The following MYL12B variants were observed in gnomAD, a reference collection of about 807,000 sequenced individuals.
The protein encoded by MYL12B is myosin light chain 12B.
MYL12B carries 3 observed loss-of-function variants against 12.9 expected under a neutral mutation model. That is an observed-to-expected ratio of 0.23 (90% CI 0.11 to 0.60). The LOEUF is 0.60. Among genes scored for constraint, MYL12B ranks in the 20% least tolerant of loss-of-function variants. The probability of loss-of-function intolerance (pLI) is 0.89; values close to 1 mark genes in which losing one functional copy is unlikely to be tolerated. For synonymous variants in MYL12B, 57 were observed against 71.9 expected, an observed-to-expected ratio of 0.79 and a Z score of 1.05; for missense variants, 120 against 215.4, an observed-to-expected ratio of 0.56 and a Z score of 2.77.
chr18:3,262,269 C>T (rs991296890), intron 1 of MYL12B, 32 bp downstream of exon 1: 1 of 148,924 alleles, frequency 6.7e-6, no homozygotes, highest in East Asian at 2.0e-4. Context: ...TCGCGAGACC[C>T]CTCGGGCCGC....
In MYL12B at chr18:3,277,235, A is replaced by G. The variant is rs565997600; in HGVS notation, c.185-18A>G. 1.6e-5 allele frequency: 25 copies of G among 1,540,672 alleles called. No individual in the cohort carries two copies. In the South Asian group the frequency reaches 2.8e-4, roughly 17 times the overall value. ...TAAATGTTTTTGTCTTTAAATGTTA[A>G]AATGTGTATTCTTACAGGGAAGAAT... On this transcript the variant is annotated intron_variant, in intron 2 of 3. Transcript: ENST00000237500.
intron 2 of MYL12B, among the ~76,000 whole-genome samples, chr18:3,275,784 A>G (rs2081725369): frequency 6.6e-6 from 1 of 152,142 alleles, no homozygotes; most frequent in African/African-American, 2.4e-5. Context: ...TTCCCCCCAA[A>G]AAATGCTGCA....
chr18:3,275,583 C>A (rs966996674), intron 2 of MYL12B, among the ~76,000 whole-genome samples: 3 of 152,120 alleles, frequency 2.0e-5, no homozygotes, highest in Non-Finnish European at 4.4e-5. Flanking sequence ...AATATATACA[C>A]CTCTTGTGTA....
intron 2 of MYL12B, among the ~76,000 whole-genome samples, chr18:3,275,943 G>C (rs747975394): frequency 3.9e-5 from 6 of 152,112 alleles, no homozygotes; most frequent in Non-Finnish European, 7.4e-5. Context: ...CAGTGAAATA[G>C]ATGCCAACAT....
intron 1 of MYL12B, among the ~76,000 whole-genome samples, chr18:3,264,535 C>G (rs547153845): frequency 6.6e-6 from 1 of 152,278 alleles, no homozygotes; most frequent in African/African-American, 2.4e-5. Context: ...GAGACCCTGT[C>G]TCTACCCTGC....
Position 3,272,867 on chromosome 18 carries a change from T to C in MYL12B, c.-15-17T>C. On this transcript the variant is annotated splice_polypyrimidine_tract_variant and intron_variant, in intron 1 of 3. Transcript: ENST00000237500. ...CATTGTTTTGTTTTACGTTTTTGTG[T>C]TTTTTTTTTAATCCAGAATTAAACA... 9.9e-7 allele frequency: 1 copy of C among 1,007,714 alleles called. No individual in the cohort carries two copies. The highest frequency in any genetic ancestry group is 1.4e-6 in the Non-Finnish European group (1 of 692,376). 62.4% of individuals were successfully genotyped at this position (1,007,714 alleles called of 1,614,324 possible).
At chr18:3,277,685 C>T (rs2081744963) in intron 3 of MYL12B, 80 bp from the exon 4 acceptor site, 9 of 1,469,462 alleles carry the variant, frequency 6.1e-6, no homozygotes, top group Middle Eastern at 3.6e-4. Flanking sequence ...ATATTTTATA[C>T]GATTGACAAG....
At chr18:3,272,018 C>T in intron 1 of MYL12B, 1 of 970,826 alleles carries the variant, frequency 1.0e-6, no homozygotes, top group Non-Finnish European at 1.2e-6. Context: ...AGTGAGAAAC[C>T]CCCCATCTCT....
intron 1 of MYL12B, chr18:3,272,063 C>T: frequency 1.0e-6 from 1 of 984,898 alleles, no homozygotes; most frequent in South Asian, 4.7e-5. Flanking sequence ...GAAGACAGTT[C>T]AGCATTAGAC....
At chr18:3,262,389 G>C (rs1438681101) in intron 1 of MYL12B, 152 bp downstream of exon 1, 1 of 152,198 alleles carries the variant, frequency 6.6e-6, no homozygotes, top group Non-Finnish European at 1.5e-5. Flanking sequence ...GGGGGCGCGG[G>C]GCCGGAGGTG....
At chr18:3,269,280 C>G (rs185344592) in intron 1 of MYL12B, among the ~76,000 whole-genome samples, 5 of 152,058 alleles carry the variant, frequency 3.3e-5, no homozygotes, top group Non-Finnish European at 5.9e-5. Flanking sequence ...GCCTAGAAAA[C>G]TAAGGGTAGT....
intron 3 of MYL12B, 144 bp from the exon 4 acceptor site, chr18:3,277,621 T>A: frequency 8.0e-7 from 1 of 1,254,532 alleles, no homozygotes; most frequent in Non-Finnish European, 1.1e-6. Flanking sequence ...ATGATATAGT[T>A]CATATAGCCT....
chr18:3,277,117 T>G, intron 2 of MYL12B, 136 bp from the exon 3 acceptor site: 1 of 1,247,988 alleles, frequency 8.0e-7, no homozygotes, highest in South Asian at 2.7e-5. Flanking sequence ...CTTTTTAAAA[T>G]GTTCTTAAAG....
chr18:3,272,381 C>A (rs545539322), intron 1 of MYL12B: 1 of 10,658 alleles, frequency 9.4e-5, no homozygotes, highest in African/African-American at 3.9e-4. Flanking sequence ...TGGAGACTTT[C>A]TCTTTGAGGA....
In MYL12B at chr18:3,278,171, T is replaced by C. The variant is rs2081749735; in HGVS notation, c.*234T>C. The stretch of plus-strand genomic sequence containing the variant: ...AAGATCGCGAATAAAAATCAACAAA[T>C]GTGAAAGCCCAGAAAAATATATTCG... On this transcript the variant is annotated 3_prime_UTR_variant, in exon 4 of 4. Transcript: ENST00000237500. 1 of 382,434 alleles carries C rather than the reference T, an allele frequency of 2.6e-6. No homozygotes were observed. Among genetic ancestry groups the C allele is most frequent in the African/African-American group, 2.1e-5 (1 of 47,586 alleles). 23.7% of individuals were successfully genotyped at this position (382,434 alleles called of 1,614,324 possible).
chr18:3,277,267 G>T lies in MYL12B; in HGVS notation c.199G>T (p.Asp67Tyr). 1 of 1,603,810 alleles carries T rather than the reference G, an allele frequency of 6.2e-7. No individual in the cohort carries two copies. The highest frequency in any genetic ancestry group is 1.1e-5 in the South Asian group (1 of 89,480). The change falls in exon 3 of 4, where the codon GAT (aspartate) becomes TAT (tyrosine). Residue 67 changes from aspartate (D) to tyrosine (Y), a missense_variant. Asp to Tyr is a radical substitution (Grantham distance 160). Transcript: ENST00000237500. ...MLASLGKNPT[D>Y]AYLDAMMNEA... Reference sequence around the variant, plus strand: ...TATTCTTACAGGGAAGAATCCCACTGATGCATACCTTGATGCCATGATGAA... The same window carrying T: ...TATTCTTACAGGGAAGAATCCCACTTATGCATACCTTGATGCCATGATGAA...
intron 1 of MYL12B, among the ~76,000 whole-genome samples, chr18:3,270,387 T>G (rs572461361): frequency 6.6e-6 from 1 of 152,340 alleles, no homozygotes; most frequent in South Asian, 2.1e-4. Flanking sequence ...ATATTTTGAT[T>G]GGGACCAGTT....
At chr18:3,267,402 A>G (rs8097802) in intron 1 of MYL12B, among the ~76,000 whole-genome samples, 146,606 of 152,344 alleles carry the variant, frequency 0.96, 70,610 homozygotes, top group Non-Finnish European at 0.98. Context: ...TATATAGACA[A>G]TTTCTGCTTA....
At chr18:3,263,978 T>C (rs1203573463) in intron 1 of MYL12B, among the ~76,000 whole-genome samples, 7 of 152,214 alleles carry the variant, frequency 4.6e-5, no homozygotes, top group Non-Finnish European at 7.3e-5. Context: ...TAACAATACC[T>C]ATATGATGAG....
Sources: gnomAD v4.1 joint callset for allele counts (sites outside exome capture counted in the v4.1 genomes callset) on GRCh38, gnomAD v4.1.1 for gene constraint, MANE v1.5 for transcripts, NCBI Gene and HGNC (gene_info 2026-07-23, HGNC 2026-07-21) for gene names.